The following PCDHGB6 variants were observed in gnomAD, a reference collection of about 807,000 sequenced individuals.
PCDHGB6 encodes the protein protocadherin gamma subfamily B, 6, also known as protocadherin gamma-B6.
Under a neutral mutation model 59.1 loss-of-function variants are expected in PCDHGB6, and 51 were observed. That is an observed-to-expected ratio of 0.86 (90% CI 0.69 to 1.09). The LOEUF is 1.09. Among genes scored for constraint, PCDHGB6 ranks in the 50% least tolerant of loss-of-function variants. The probability of loss-of-function intolerance (pLI) is 0.00; values close to 1 mark genes in which losing one functional copy is unlikely to be tolerated. For synonymous variants in PCDHGB6, 466 were observed against 495.1 expected (o/e 0.94, Z 0.78); for missense variants, 1,148 against 1,205.1 (o/e 0.95, Z 0.70).
chr5:141,426,086 G>A (rs751467304), intron 1 of PCDHGB6, among the ~76,000 whole-genome samples: 5 of 152,218 alleles, frequency 3.3e-5, no homozygotes, highest in Non-Finnish European at 7.3e-5. Context: ...CTACCAGGAC[G>A]ATATTCTGTT....
intron 3 of PCDHGB6, among the ~76,000 whole-genome samples, chr5:141,510,166 A>G (rs1280391099): frequency 6.6e-6 from 1 of 151,872 alleles, no homozygotes; most frequent in African/African-American, 2.4e-5. Flanking sequence ...TCAGCTACTC[A>G]GGAGGTTGAG....
At chr5:141,418,672 G>A (rs1170411469) in intron 1 of PCDHGB6, 3 of 1,614,022 alleles carry the variant, frequency 1.9e-6, no homozygotes, top group Non-Finnish European at 2.5e-6. Context: ...ACCAGGACGA[G>A]GGCATCAACT....
chr5:141,435,296 T>A (rs545583818), intron 1 of PCDHGB6, among the ~76,000 whole-genome samples: 44 of 152,328 alleles, frequency 2.9e-4, no homozygotes, highest in African/African-American at 9.9e-4. Context: ...AGTCATTTCA[T>A]GGTTTTAAAT....
At position 141,493,061 on chromosome 5, in the gene PCDHGB6, C is replaced by G. The variant is rs1386090478; in HGVS notation, c.2419-1746C>G. On this transcript the variant is annotated intron_variant, in intron 1 of 3. Transcript: ENST00000520790. The surrounding 1 kb of genome is among the most constrained non-coding windows in gnomAD (Gnocchi z 4.3). The stretch of plus-strand genomic sequence containing the variant: ...GAGGAAACTACAATAGTAAAAAACA[C>G]AAGTTTCTCCAACTCCAGGAGCTTT... Among the ~76,000 whole-genome samples the G allele has an allele frequency of 6.6e-6, 1 of 152,228 alleles. No individual in the cohort carries two copies. Among genetic ancestry groups the G allele is most frequent in the African/African-American group, 2.4e-5 (1 of 41,446 alleles).
At chr5:141,497,771 C>T (rs2099779314) in intron 2 of PCDHGB6, among the ~76,000 whole-genome samples, 1 of 152,154 alleles carries the variant, frequency 6.6e-6, no homozygotes, top group Non-Finnish European at 1.5e-5. Context: ...ACTCCCCGAC[C>T]TCAACTGATC....
chr5:141,417,023 T>C (rs2096074487), intron 1 of PCDHGB6: 1 of 139,106 alleles, frequency 7.2e-6, no homozygotes, highest in South Asian at 2.3e-4. Flanking sequence ...TTTTGAAAAA[T>C]ACAGGTTTTT....
At chr5:141,497,050 G>T (rs113054804) in intron 2 of PCDHGB6, among the ~76,000 whole-genome samples, 5,544 of 152,084 alleles carry the variant, frequency 0.036, 137 homozygotes, top group South Asian at 0.074. Context: ...TTAGCCAGGC[G>T]TGGTGGCAGG....
Position 141,432,771 on chromosome 5 carries a change from T to G in PCDHGB6, c.2418+22151T>G. The G allele has an allele frequency of 6.2e-7, 1 of 1,614,006 alleles. No homozygotes were observed. The highest frequency in any genetic ancestry group is 8.5e-7 in the Non-Finnish European group (1 of 1,179,966). On this transcript the variant is annotated intron_variant, in intron 1 of 3. Coordinates refer to ENST00000520790, the MANE Select transcript of PCDHGB6 (RefSeq NM_018926.3). This position sits in a 1 kb window ranked among gnomAD's most constrained non-coding sequence, Gnocchi z 6.0. ...GCCGTGGCCGACAGCATCCCCCAAG[T>G]CCTGGCGGACCTCGGCAGCCTCGAG...
Position 141,477,531 on chromosome 5 carries a change from C to G in PCDHGB6, c.2419-17276C>G. ...GTTTACATTGAAGAAAACAACCTCC[C>G]CGGGGCTCCAATACTAAACCTAAGT... On this transcript the variant is annotated intron_variant, in intron 1 of 3. Coordinates refer to ENST00000520790, the MANE Select transcript of PCDHGB6 (RefSeq NM_018926.3). This position sits in a 1 kb window ranked among gnomAD's most constrained non-coding sequence, Gnocchi z 4.9. The G allele has an allele frequency of 6.2e-7, 1 of 1,614,162 alleles. No homozygotes were observed. Among genetic ancestry groups the G allele is most frequent in the South Asian group, 1.1e-5 (1 of 91,086 alleles).
At chr5:141,505,563 T>C in intron 3 of PCDHGB6, 82 bp downstream of exon 3, 1 of 1,603,814 alleles carries the variant, frequency 6.2e-7, no homozygotes, top group Non-Finnish European at 8.5e-7. Flanking sequence ...GCCCACGGAC[T>C]GGATGTCAAA....
chr5:141,495,276 G>A (rs1350329744), intron 2 of PCDHGB6, among the ~76,000 whole-genome samples: 1 of 152,190 alleles, frequency 6.6e-6, no homozygotes, highest in East Asian at 1.9e-4. Flanking sequence ...GACCGGAGGA[G>A]GCGGTCCGCA....
At chr5:141,443,109 C>A (rs373919534) in intron 1 of PCDHGB6, among the ~76,000 whole-genome samples, 2 of 152,100 alleles carry the variant, frequency 1.3e-5, no homozygotes, top group South Asian at 2.1e-4. Flanking sequence ...CTGAACCTTG[C>A]TTTTCAAACC....
intron 1 of PCDHGB6, among the ~76,000 whole-genome samples, chr5:141,454,538 C>G (rs1229435473): frequency 6.6e-6 from 1 of 152,110 alleles, no homozygotes; most frequent in African/African-American, 2.4e-5. Context: ...TCCCAAGTAG[C>G]TGAGATTACA....
chr5:141,449,075 T>C (rs1452456191), intron 1 of PCDHGB6, among the ~76,000 whole-genome samples: 3 of 152,240 alleles, frequency 2.0e-5, no homozygotes, highest in African/African-American at 7.2e-5. Context: ...AATAGCCCTG[T>C]ACCTACATCA....
chr5:141,484,530 A>G (rs1406516272), intron 1 of PCDHGB6, among the ~76,000 whole-genome samples: 1 of 152,200 alleles, frequency 6.6e-6, no homozygotes, highest in East Asian at 1.9e-4. Context: ...TTTTGAGTAT[A>G]TGGCAGTGGT....
At chr5:141,441,187 AT>A (rs1349788972) in intron 1 of PCDHGB6, 1 of 152,214 alleles carries the variant, frequency 6.6e-6, no homozygotes, top group Non-Finnish European at 1.5e-5. Context: ...TTCCACAATG[AT>A]TCCCAAAGAT....
At chr5:141,499,553 A>T (rs1215178587) in intron 2 of PCDHGB6, among the ~76,000 whole-genome samples, 3 of 152,206 alleles carry the variant, frequency 2.0e-5, no homozygotes, top group African/African-American at 4.8e-5. Context: ...CCTGTATGAT[A>T]CCACTATCCA....
At position 141,490,785 on chromosome 5, in the gene PCDHGB6, G is replaced by A. The variant is rs1021708826; in HGVS notation, c.2419-4022G>A. 1.2e-6 allele frequency: 2 copies of A among 1,614,066 alleles called. No individual in the cohort carries two copies. Among genetic ancestry groups the A allele is most frequent in the Non-Finnish European group, 1.7e-6 (2 of 1,179,952 alleles). On this transcript the variant is annotated intron_variant, in intron 1 of 3. Coordinates refer to ENST00000520790, the MANE Select transcript of PCDHGB6 (RefSeq NM_018926.3). The surrounding 1 kb of genome is among the most constrained non-coding windows in gnomAD (Gnocchi z 5.4). ...TGTATGTCAACCCAGAGGATGGACG[G>A]ATCTTTGCCCAGCGTACCTTTGACT...
At chr5:141,492,727 G>A (rs2099743408) in intron 1 of PCDHGB6, among the ~76,000 whole-genome samples, 1 of 152,274 alleles carries the variant, frequency 6.6e-6, no homozygotes, top group South Asian at 2.1e-4. Flanking sequence ...GACAGGCAGA[G>A]CTGCCCAGTG....
Sources: allele counts gnomAD v4.1 joint callset (sites outside exome capture counted in the v4.1 genomes callset), GRCh38; gene constraint gnomAD v4.1.1; non-coding constraint Gnocchi (gnomAD v3.1); transcripts MANE v1.5; gene names NCBI Gene and HGNC (gene_info 2026-07-23, HGNC 2026-07-21).